The following NRXN3 variants were observed in gnomAD, a reference collection of about 807,000 sequenced individuals.
NRXN3 encodes the protein neurexin III.
Under a neutral mutation model 137.6 loss-of-function variants are expected in NRXN3, and 32 were observed. The ratio of observed to expected loss-of-function variants is 0.23; its 90% CI spans 0.18 to 0.31. The LOEUF (loss-of-function observed/expected upper bound fraction) is 0.31, where lower values mean the gene tolerates loss of function less well. Ranked by LOEUF, NRXN3 falls within the 10% of genes least tolerant of loss-of-function variation. NRXN3 has a pLI of 1.00. For synonymous variants in NRXN3, 798 were observed against 784.5 expected, an observed-to-expected ratio of 1.02 and a Z score of -0.29; for missense variants, 1,574 against 2,062.5, an observed-to-expected ratio of 0.76 and a Z score of 4.59.
chr14:79,346,628 TC>T (rs2092900874), intron 15 of NRXN3, among the ~76,000 whole-genome samples: 1 of 152,106 alleles, frequency 6.6e-6, no homozygotes, highest in Non-Finnish European at 1.5e-5. Flanking sequence ...GCCCCTAAGG[TC>T]ACTACCCTCT....
chr14:78,773,950 C>T (rs546301095), intron 8 of NRXN3, among the ~76,000 whole-genome samples: 19 of 152,106 alleles, frequency 1.2e-4, no homozygotes, highest in African/African-American at 3.6e-4. Flanking sequence ...TACAGGCGCC[C>T]GCCACCACAC....
intron 15 of NRXN3, among the ~76,000 whole-genome samples, chr14:79,353,304 A>G (rs941407972): frequency 2.0e-5 from 3 of 152,078 alleles, no homozygotes; most frequent in African/African-American, 7.2e-5. Context: ...TCTGGAAACT[A>G]TTCTGAATAT....
At chr14:78,963,309 T>C (rs975101675) in intron 11 of NRXN3, among the ~76,000 whole-genome samples, 4 of 152,302 alleles carry the variant, frequency 2.6e-5, no homozygotes, top group Admixed American at 2.6e-4. Context: ...TTTTGGAACC[T>C]CAATCTTCAC....
chr14:78,893,890 T>G (rs1257556704), intron 10 of NRXN3, among the ~76,000 whole-genome samples: 1 of 151,942 alleles, frequency 6.6e-6, no homozygotes, highest in Non-Finnish European at 1.5e-5. Context: ...TCCCAGTGCA[T>G]ATAAAAGTTA....
In NRXN3 at chr14:78,457,361, T is replaced by A. The variant is rs374203627; in HGVS notation, c.757+159501T>A. On this transcript the variant is annotated intron_variant, in intron 4 of 20. Transcript: ENST00000335750. ...TTACTTCTTGATGGAGGATTTGTGA[T>A]GTGGTGTGGGAGTACAGAGCGAGGA... 1.5e-3 allele frequency among the ~76,000 whole-genome samples: 230 copies of A among 152,214 alleles called. 11 individuals carry two copies. In the South Asian group the frequency reaches 0.046, roughly 31 times the overall value.
At chr14:78,988,501 G>A (rs2099511804) in intron 15 of NRXN3, among the ~76,000 whole-genome samples, 1 of 152,076 alleles carries the variant, frequency 6.6e-6, no homozygotes, top group South Asian at 2.1e-4. Flanking sequence ...CTCCAAATTG[G>A]TTAATAATTT....
intron 17 of NRXN3, among the ~76,000 whole-genome samples, chr14:79,677,240 A>T (rs1273292443): frequency 2.6e-5 from 4 of 152,070 alleles, no homozygotes; most frequent in Non-Finnish European, 4.4e-5. Context: ...ATAATTAAAC[A>T]AAATGATAAA....
At chr14:78,624,832 T>TG (rs1491467958) in intron 4 of NRXN3, among the ~76,000 whole-genome samples, 2,079 of 126,820 alleles carry the variant, frequency 0.016, 14 homozygotes, top group South Asian at 0.027. Context: ...TGTGTGTGTG[T>TG]TTGTTTGTTT....
intron 15 of NRXN3, among the ~76,000 whole-genome samples, chr14:79,209,450 A>G: frequency 6.6e-6 from 1 of 151,712 alleles, no homozygotes; most frequent in South Asian, 2.1e-4. Context: ...AAAGTGTTAT[A>G]AATTCTGAGT....
chr14:78,948,976 G>A (rs1387778069), intron 10 of NRXN3, among the ~76,000 whole-genome samples: 1 of 152,116 alleles, frequency 6.6e-6, no homozygotes, highest in African/African-American at 2.4e-5. Flanking sequence ...TCTGTCTCTT[G>A]ATTCCTAAAG....
chr14:78,909,111 G>T (rs935216643), intron 10 of NRXN3, among the ~76,000 whole-genome samples: 4 of 152,044 alleles, frequency 2.6e-5, no homozygotes, highest in Non-Finnish European at 5.9e-5. Flanking sequence ...CAAAACCGTC[G>T]TACCTAGATC....
intron 8 of NRXN3, among the ~76,000 whole-genome samples, chr14:78,729,053 A>G (rs568853816): frequency 5.9e-5 from 9 of 152,198 alleles, no homozygotes; most frequent in Non-Finnish European, 1.2e-4. Context: ...ATGCTTCAAT[A>G]ACATAATTGT....
chr14:78,256,129 G>A (rs2069545328), intron 2 of NRXN3, among the ~76,000 whole-genome samples: 1 of 151,950 alleles, frequency 6.6e-6, no homozygotes. Context: ...AACAATTATA[G>A]GCAGTAGCCA....
At chr14:78,543,395 C>T (rs2096609935) in intron 4 of NRXN3, among the ~76,000 whole-genome samples, 1 of 143,522 alleles carries the variant, frequency 7.0e-6, no homozygotes, top group East Asian at 2.0e-4. Context: ...ACTGCTTCAG[C>T]TTGATGTCCA....
intron 15 of NRXN3, among the ~76,000 whole-genome samples, chr14:79,184,660 G>A (rs1268853462): frequency 6.6e-6 from 1 of 152,202 alleles, no homozygotes; most frequent in South Asian, 2.1e-4. Context: ...CTACTGAGGC[G>A]AGTCAGGGGT....
intron 4 of NRXN3, among the ~76,000 whole-genome samples, chr14:78,583,447 A>G (rs2097025676): frequency 6.6e-6 from 1 of 151,940 alleles, no homozygotes; most frequent in Non-Finnish European, 1.5e-5. Flanking sequence ...ACAAACCCCA[A>G]AAAGTATTGC....
intron 4 of NRXN3, among the ~76,000 whole-genome samples, chr14:78,473,422 A>G (rs1488166640): frequency 6.6e-6 from 1 of 151,952 alleles, no homozygotes; most frequent in Non-Finnish European, 1.5e-5. Flanking sequence ...AAAAAAATGA[A>G]AAACCTTTCT....
intron 10 of NRXN3, among the ~76,000 whole-genome samples, chr14:78,815,012 G>A (rs1011672448): frequency 2.0e-5 from 3 of 151,804 alleles, no homozygotes; most frequent in Admixed American, 2.0e-4. Flanking sequence ...CCTCTCAAAC[G>A]CTAATTCTTC....
intron 15 of NRXN3, among the ~76,000 whole-genome samples, chr14:79,465,475 G>A (rs1039017871): frequency 2.0e-5 from 3 of 152,120 alleles, no homozygotes; most frequent in Non-Finnish European, 4.4e-5. Flanking sequence ...CTAGAATAGT[G>A]ACCTTTCAAA....
Sources: allele counts gnomAD v4.1 joint callset (sites outside exome capture counted in the v4.1 genomes callset), GRCh38; gene constraint gnomAD v4.1.1; transcripts MANE v1.5; gene names NCBI Gene and HGNC (gene_info 2026-07-23, HGNC 2026-07-21).